Variants in NREP observed in about 807,000 individuals in gnomAD.
NREP encodes neuronal regeneration related protein.
Under a neutral mutation model 8.6 loss-of-function variants are expected in NREP, and 5 were observed. The ratio of observed to expected loss-of-function variants is 0.58; its 90% confidence interval spans 0.30 to 1.22. The LOEUF is 1.22. Among genes scored for constraint, NREP ranks in the 50% most tolerant of loss-of-function variants. NREP has a pLI of 0.07. For missense variants in NREP, 86 were observed against 82.5 expected (o/e 1.04, Z -0.17); for synonymous variants, 27 against 28.0 (o/e 0.96, Z 0.11).
chr5:111,881,176 C>G (rs1754054692), intron 2 of NREP, among the ~76,000 whole-genome samples: 2 of 152,216 alleles, frequency 1.3e-5, no homozygotes, highest in African/African-American at 2.4e-5. Context: ...GAGATTATAT[C>G]CCACACCTGG....
At chr5:111,776,155 A>T (rs1260105681) in intron 2 of NREP, among the ~76,000 whole-genome samples, 1 of 152,154 alleles carries the variant, frequency 6.6e-6, no homozygotes, top group Non-Finnish European at 1.5e-5. Context: ...ACTCACATTA[A>T]AAATAAGCAT....
At chr5:111,854,246 A>G (rs997532568) in intron 2 of NREP, among the ~76,000 whole-genome samples, 4 of 152,166 alleles carry the variant, frequency 2.6e-5, no homozygotes, top group African/African-American at 9.7e-5. Flanking sequence ...ATCTGGCCAC[A>G]AGCTTTTTAA....
chr5:111,766,537 T>A (rs1214224990), intron 2 of NREP, among the ~76,000 whole-genome samples: 1 of 152,202 alleles, frequency 6.6e-6, no homozygotes, highest in African/African-American at 2.4e-5. Flanking sequence ...AAGTGTAATG[T>A]TATTCCCTCT....
At position 111,956,582 on chromosome 5, in the gene NREP, G is replaced by A. The variant is rs1338635580; in HGVS notation, c.135+18692C>T. ...AATAAAAATCATAAATATCTAAAAG[G>A]AATTACAGAAAGAGTAAAAACAATA... On this transcript the variant is annotated intron_variant, in intron 2 of 3. Transcript: ENST00000395634. 2.6e-5 allele frequency among the ~76,000 whole-genome samples: 4 copies of A among 151,916 alleles called. No individual in the cohort carries two copies. In the South Asian group the frequency reaches 6.3e-4, roughly 24 times the overall value.
At chr5:111,815,888 A>G (rs1351121658) in intron 2 of NREP, among the ~76,000 whole-genome samples, 1 of 152,172 alleles carries the variant, frequency 6.6e-6, no homozygotes, top group Admixed American at 6.5e-5. Context: ...ACGTAAGATA[A>G]GGTCCAAGAA....
At chr5:111,945,914 G>A (rs988467574) in intron 2 of NREP, among the ~76,000 whole-genome samples, 7 of 152,058 alleles carry the variant, frequency 4.6e-5, no homozygotes, top group Admixed American at 1.3e-4. Flanking sequence ...CTTGGATCTT[G>A]TGCCCAACCC....
chr5:111,970,825 CAAAAAAAAAAAAAAA>C (rs33962098), intron 2 of NREP, among the ~76,000 whole-genome samples: 1 of 53,640 alleles, frequency 1.9e-5, no homozygotes, highest in East Asian at 6.6e-4. Context: ...GACTCCATCT[CAAAAAAAAAAAAAAA>C]AAAAAAAAAG....
chr5:111,889,365 T>C (rs1754339738), intron 2 of NREP, among the ~76,000 whole-genome samples: 1 of 152,156 alleles, frequency 6.6e-6, no homozygotes, highest in African/African-American at 2.4e-5. Flanking sequence ...AAGGTGGCAC[T>C]AAACCACTCA....
At chr5:111,913,590 C>T (rs1257209269) in intron 2 of NREP, among the ~76,000 whole-genome samples, 1 of 151,970 alleles carries the variant, frequency 6.6e-6, no homozygotes, top group African/African-American at 2.4e-5. Context: ...GCTAAATGCC[C>T]AGATGAGACA....
intron 2 of NREP, among the ~76,000 whole-genome samples, chr5:111,751,326 C>T (rs1750349811): frequency 1.3e-5 from 2 of 152,116 alleles, no homozygotes; most frequent in Admixed American, 6.5e-5. Context: ...CGTGTTAATG[C>T]TTAAGTCCCA....
At chr5:111,831,581 C>T (rs1581149673) in intron 2 of NREP, among the ~76,000 whole-genome samples, 1 of 152,192 alleles carries the variant, frequency 6.6e-6, no homozygotes, top group Middle Eastern at 3.4e-3. Flanking sequence ...TTTGACTCTA[C>T]CACTCTTTCC....
At chr5:111,741,712 G>A (rs1377489992) in intron 2 of NREP, among the ~76,000 whole-genome samples, 1 of 152,052 alleles carries the variant, frequency 6.6e-6, no homozygotes, top group East Asian at 1.9e-4. Flanking sequence ...GATGATGTAC[G>A]TAACCTCTGC....
At chr5:111,802,599 A>T (rs564373196) in intron 2 of NREP, among the ~76,000 whole-genome samples, 8 of 152,338 alleles carry the variant, frequency 5.3e-5, no homozygotes, top group Admixed American at 5.2e-4. Context: ...GTAAAAAACA[A>T]CAAACTGATG....
intron 2 of NREP, among the ~76,000 whole-genome samples, chr5:111,816,504 T>G (rs557935598): frequency 6.6e-6 from 1 of 152,262 alleles, no homozygotes; most frequent in Admixed American, 6.5e-5. Context: ...TTTTATTGTC[T>G]GAGAAGTACT....
At chr5:111,757,512 G>A (rs1191631607), upstream of NREP, 3 of 984,596 alleles carry the variant, frequency 3.0e-6, no homozygotes, top group Non-Finnish European at 1.2e-6. Flanking sequence ...CGGAGCCAGC[G>A]CCCCAGCCTT....
intron 2 of NREP, among the ~76,000 whole-genome samples, chr5:111,819,663 C>G (rs1752472893): frequency 6.6e-6 from 1 of 152,302 alleles, no homozygotes; most frequent in Middle Eastern, 3.4e-3. Context: ...TTTTCATCAA[C>G]AGATGAATAT....
At chr5:111,937,000 G>C (rs143814014) in intron 2 of NREP, among the ~76,000 whole-genome samples, 5 of 151,912 alleles carry the variant, frequency 3.3e-5, no homozygotes, top group Non-Finnish European at 2.9e-5. Context: ...CCTTCACTAC[G>C]GTCCAGCATC....
At chr5:111,922,440 AC>A (rs1208030884) in intron 2 of NREP, among the ~76,000 whole-genome samples, 2 of 152,114 alleles carry the variant, frequency 1.3e-5, no homozygotes, top group Non-Finnish European at 2.9e-5. Flanking sequence ...AAATGCTTCC[AC>A]CCAGTTAGTG....
At chr5:111,965,932 G>C (rs943548306) in intron 2 of NREP, among the ~76,000 whole-genome samples, 2 of 152,194 alleles carry the variant, frequency 1.3e-5, no homozygotes, top group African/African-American at 4.8e-5. Context: ...AGGATGTACA[G>C]TTGAAGAAAT....
Sources: gnomAD v4.1 joint callset for allele counts (sites outside exome capture counted in the v4.1 genomes callset) on GRCh38, gnomAD v4.1.1 for gene constraint, MANE v1.5 for transcripts, NCBI Gene and HGNC (gene_info 2026-07-23, HGNC 2026-07-21) for gene names.